Variants in KCNN2 observed in about 807,000 individuals in gnomAD.
KCNN2 encodes small conductance calcium-activated potassium channel protein 2.
A neutral mutation model predicts 55.5 loss-of-function variants in KCNN2; 24 were observed. The observed-to-expected ratio is 0.43, with a 90% CI of 0.31 to 0.61. The LOEUF (loss-of-function observed/expected upper bound fraction) is 0.61. Ranked by LOEUF, KCNN2 falls within the 20% of genes least tolerant of loss-of-function variation. The pLI, the probability that KCNN2 is intolerant of heterozygous loss-of-function variation, is 0.08. For synonymous variants in KCNN2, 431 were observed against 336.1 expected (o/e 1.28, Z -3.09); for missense variants, 754 against 853.6 (o/e 0.88, Z 1.45).
intron 2 of KCNN2, among the ~76,000 whole-genome samples, chr5:114,395,125 C>T (rs765472420): frequency 1.4e-4 from 21 of 152,318 alleles, no homozygotes; most frequent in Non-Finnish European, 2.2e-4. Context: ...AGGAAAAGCA[C>T]ATGCAGAAGG....
At chr5:114,244,657 A>AG (rs1754716672) in intron 2 of KCNN2, among the ~76,000 whole-genome samples, 2 of 151,724 alleles carry the variant, frequency 1.3e-5, no homozygotes, top group Non-Finnish European at 2.9e-5. Context: ...AGAGAGAGAG[A>AG]AAGAGAGAAA....
intron 1 of KCNN2, among the ~76,000 whole-genome samples, chr5:114,142,308 A>C (rs62382862): frequency 0.013 from 2,027 of 152,112 alleles, 41 homozygotes; most frequent in African/African-American, 0.046. Context: ...TAATTTTTGT[A>C]TAAGGTGTAA....
chr5:114,263,888 C>A (rs1381933533), intron 2 of KCNN2, among the ~76,000 whole-genome samples: 1 of 152,144 alleles, frequency 6.6e-6, no homozygotes, highest in Non-Finnish European at 1.5e-5. Flanking sequence ...GCATCATATG[C>A]ACAGCTCCAT....
intron 1 of KCNN2, among the ~76,000 whole-genome samples, chr5:114,195,095 G>A (rs545727006): frequency 6.6e-6 from 1 of 151,804 alleles, no homozygotes; most frequent in Admixed American, 6.6e-5. Context: ...TACTGTAGCT[G>A]AGTAGTAAAT....
intron 2 of KCNN2, among the ~76,000 whole-genome samples, chr5:114,254,047 T>G (rs192625915): frequency 0.029 from 4,472 of 152,178 alleles, 224 homozygotes; most frequent in African/African-American, 0.1. Flanking sequence ...GCACAAGTAT[T>G]TTTTTACTTA....
intron 6 of KCNN2, among the ~76,000 whole-genome samples, chr5:114,488,047 T>A (rs1172432214): frequency 6.6e-6 from 1 of 152,192 alleles, no homozygotes; most frequent in Non-Finnish European, 1.5e-5. Flanking sequence ...GAGGCTGCAA[T>A]TTTTATTTTG....
At chr5:114,056,299 T>A in exon 1 of KCNN2, 1 of 398,452 alleles carries the variant, frequency 2.5e-6, no homozygotes, top group Non-Finnish European at 4.4e-6. Context: ...GGCACGGAAT[T>A]TGACGCCCGA....
At chr5:114,223,895 G>C (rs1197717576) in intron 2 of KCNN2, among the ~76,000 whole-genome samples, 7 of 152,220 alleles carry the variant, frequency 4.6e-5, no homozygotes, top group African/African-American at 1.7e-4. Context: ...GCAGCACCTG[G>C]GGCCTGTGAG....
intron 2 of KCNN2, among the ~76,000 whole-genome samples, chr5:114,306,010 G>A (rs532062206): frequency 1.3e-3 from 200 of 152,306 alleles, no homozygotes; most frequent in African/African-American, 4.7e-3. Flanking sequence ...GTCATCAACT[G>A]TAGTGAAACA....
intron 1 of KCNN2, among the ~76,000 whole-genome samples, chr5:114,146,309 T>C (rs1410361454): frequency 6.6e-6 from 1 of 152,152 alleles, no homozygotes; most frequent in Non-Finnish European, 1.5e-5. Flanking sequence ...TTTAAGTAAT[T>C]ATAATTTTAA....
chr5:114,387,036 T>A (rs909421726), intron 2 of KCNN2, among the ~76,000 whole-genome samples: 2 of 152,182 alleles, frequency 1.3e-5, no homozygotes, highest in Admixed American at 1.3e-4. Flanking sequence ...TAGAAAAAAA[T>A]GGAGCCTAAC....
chr5:114,268,780 A>C (rs902941259), intron 2 of KCNN2, among the ~76,000 whole-genome samples: 5 of 152,146 alleles, frequency 3.3e-5, no homozygotes, highest in Non-Finnish European at 7.4e-5. Context: ...ATACTGGTTT[A>C]TTTTATTTCA....
At chr5:114,164,485 A>G (rs764194519) in intron 1 of KCNN2, among the ~76,000 whole-genome samples, 3 of 152,188 alleles carry the variant, frequency 2.0e-5, no homozygotes, top group Non-Finnish European at 2.9e-5. Flanking sequence ...AGAATATTGG[A>G]AACTAATTTT....
chr5:114,443,615 T>G (rs111385044), intron 3 of KCNN2, among the ~76,000 whole-genome samples: 1 of 152,202 alleles, frequency 6.6e-6, no homozygotes, highest in Admixed American at 6.5e-5. Context: ...ATAAGTGGAT[T>G]TTACTAAAAT....
chr5:114,447,941 C>T (rs1390027175), intron 3 of KCNN2, among the ~76,000 whole-genome samples: 2 of 152,064 alleles, frequency 1.3e-5, no homozygotes, highest in Non-Finnish European at 2.9e-5. Flanking sequence ...TTTCTTTTCA[C>T]CTTTTTTTCT....
intron 2 of KCNN2, among the ~76,000 whole-genome samples, chr5:114,372,363 T>C (rs1371194035): frequency 6.6e-6 from 1 of 152,048 alleles, no homozygotes; most frequent in Non-Finnish European, 1.5e-5. Context: ...GTTTGAACTC[T>C]ATGAACTCTA....
intron 1 of KCNN2, among the ~76,000 whole-genome samples, chr5:114,168,107 T>C (rs190945404): frequency 6.6e-6 from 1 of 151,916 alleles, no homozygotes; most frequent in Admixed American, 6.6e-5. Context: ...TTTTTTTAAG[T>C]TTTAAATATA....
intron 1 of KCNN2, among the ~76,000 whole-genome samples, chr5:114,175,176 T>C (rs1753110567): frequency 6.6e-6 from 1 of 152,174 alleles, no homozygotes; most frequent in African/African-American, 2.4e-5. Context: ...ATGTTAACAA[T>C]TGCTATCTCT....
intron 3 of KCNN2, among the ~76,000 whole-genome samples, chr5:114,448,314 C>G (rs72801844): frequency 4.6e-5 from 7 of 152,206 alleles, no homozygotes; most frequent in Non-Finnish European, 8.8e-5. Flanking sequence ...TGTTCTGAAG[C>G]CTTTATGGAG....
Sources: allele counts gnomAD v4.1 joint callset (sites outside exome capture counted in the v4.1 genomes callset), GRCh38; gene constraint gnomAD v4.1.1; transcripts MANE v1.5; gene names NCBI Gene and HGNC (gene_info 2026-07-23, HGNC 2026-07-21).